Variants in LUC7L observed in about 807,000 individuals in gnomAD.
LUC7L encodes the protein LUC7 like, also known as putative RNA-binding protein Luc7-like 1.
In LUC7L, 29 loss-of-function variants were observed where a neutral mutation model predicts 51.1. The observed-to-expected ratio is 0.57, with a 90% confidence interval of 0.42 to 0.77. LUC7L has a LOEUF of 0.77. Among genes scored for constraint, LUC7L ranks in the 30% least tolerant of loss-of-function variants. LUC7L has a pLI of 0.00. For missense variants in LUC7L, 403 were observed against 511.9 expected, an observed-to-expected ratio of 0.79 and a Z score of 2.05; for synonymous variants, 181 against 180.7, an observed-to-expected ratio of 1.00 and a Z score of -0.01.
chr16:193,820 T>TC, intron 6 of LUC7L, among the ~76,000 whole-genome samples: 1 of 151,026 alleles, frequency 6.6e-6, no homozygotes, highest in African/African-American at 2.5e-5. Context: ...TTTTTTTTTT[T>TC]TGAGACGGAG....
chr16:201,682 A>T (rs992192828), intron 5 of LUC7L, among the ~76,000 whole-genome samples: 20 of 130,592 alleles, frequency 1.5e-4, no homozygotes, highest in African/African-American at 5.3e-4. Context: ...CTCGTGATCC[A>T]CCCGCCTCAG....
At chr16:199,318 T>C in intron 5 of LUC7L, 80 bp from the exon 6 acceptor site, 6 of 917,464 alleles carry the variant, frequency 6.5e-6, no homozygotes, top group Non-Finnish European at 1.0e-5. Flanking sequence ...TGAAAATATT[T>C]GATAAGATGA....
chr16:199,324 G>C (rs2049252729), intron 5 of LUC7L, 86 bp from the exon 6 acceptor site: 2 of 828,516 alleles, frequency 2.4e-6, no homozygotes, highest in Non-Finnish European at 3.8e-6. Context: ...TATTTGATAA[G>C]ATGACAGAGG....
intron 3 of LUC7L, among the ~76,000 whole-genome samples, chr16:210,209 C>A (rs1041256475): frequency 6.6e-6 from 1 of 152,116 alleles, no homozygotes; most frequent in Non-Finnish European, 1.5e-5. Context: ...ACTGCTTGAA[C>A]CTGGGAAGCA....
intron 3 of LUC7L, among the ~76,000 whole-genome samples, chr16:213,465 T>C (rs1436296236): frequency 2.0e-5 from 3 of 152,100 alleles, no homozygotes; most frequent in Non-Finnish European, 4.4e-5. Flanking sequence ...AGAGGCAACA[T>C]CTGAGCTCAC....
intron 3 of LUC7L, among the ~76,000 whole-genome samples, chr16:217,602 G>T (rs531357948): frequency 6.6e-6 from 1 of 151,932 alleles, no homozygotes; most frequent in South Asian, 2.1e-4. Flanking sequence ...AGCTACTCAG[G>T]AGGCTGAGGC....
intron 2 of LUC7L, among the ~76,000 whole-genome samples, chr16:226,142 CA>C (rs1460736575): frequency 1.3e-5 from 2 of 152,188 alleles, no homozygotes; most frequent in Non-Finnish European, 2.9e-5. Context: ...AACAGAGGCA[CA>C]AGGTTTGGCA....
intron 3 of LUC7L, among the ~76,000 whole-genome samples, chr16:214,726 G>A (rs1426458974): frequency 6.6e-6 from 1 of 152,118 alleles, no homozygotes; most frequent in African/African-American, 2.4e-5. Flanking sequence ...GACAGGGTTT[G>A]TCATCTTGCC....
At chr16:194,985 C>G (rs2049110973) in intron 6 of LUC7L, among the ~76,000 whole-genome samples, 1 of 152,096 alleles carries the variant, frequency 6.6e-6, no homozygotes, top group Non-Finnish European at 1.5e-5. Flanking sequence ...TCTTCCATAC[C>G]CAGTGTGGAT....
Position 190,049 on chromosome 16 carries a change from CTA to C in LUC7L, c.891_892del (p.Asp297GlufsTer55), listed in dbSNP as rs1355519868. 1 of 1,613,798 alleles carries C rather than the reference CTA, an allele frequency of 6.2e-7. No homozygotes were observed. Among genetic ancestry groups the C allele is most frequent in the African/African-American group, 1.3e-5 (1 of 74,900 alleles). Reference sequence around the variant, plus strand: ...GGAACGGCTGCGGTGGCGCCGATGTCTATCTCGGGACCGGGACCGGGACAATT... The same window carrying C: ...GGAACGGCTGCGGTGGCGCCGATGTCTCTCGGGACCGGGACCGGGACAATT... On this transcript the variant is annotated frameshift_variant, in exon 9 of 10. Coordinates refer to ENST00000293872, the MANE Select transcript of LUC7L (RefSeq NM_201412.3). LOFTEE classifies it high-confidence loss of function.
intron 5 of LUC7L, among the ~76,000 whole-genome samples, chr16:199,945 G>A (rs544392930): frequency 4.0e-5 from 6 of 149,792 alleles, no homozygotes; most frequent in East Asian, 2.0e-4. Flanking sequence ...AGCCAAAACC[G>A]TGCCACTGCA....
chr16:194,913 G>A (rs2049108473), intron 6 of LUC7L, among the ~76,000 whole-genome samples: 1 of 152,190 alleles, frequency 6.6e-6, no homozygotes, highest in Non-Finnish European at 1.5e-5. Context: ...GCAAGTCAGA[G>A]CCAGTAAGAC....
chr16:214,391 T>C (rs1171671920), intron 3 of LUC7L, among the ~76,000 whole-genome samples: 4 of 152,178 alleles, frequency 2.6e-5, no homozygotes, highest in Admixed American at 2.6e-4. Flanking sequence ...ATTAGACAGG[T>C]TTCACAAACA....
chr16:218,223 A>C (rs1199499929), intron 3 of LUC7L, among the ~76,000 whole-genome samples: 1 of 151,880 alleles, frequency 6.6e-6, no homozygotes, highest in Non-Finnish European at 1.5e-5. Context: ...TTTACTGTAA[A>C]ACGTATTGAC....
chr16:195,805 G>C (rs2049133439), intron 6 of LUC7L, among the ~76,000 whole-genome samples: 1 of 152,158 alleles, frequency 6.6e-6, no homozygotes, highest in African/African-American at 2.4e-5. Context: ...GGGAGGCCTA[G>C]GAAGGTGGAT....
intron 3 of LUC7L, among the ~76,000 whole-genome samples, chr16:212,300 C>A (rs13339109): frequency 0.017 from 2,518 of 152,034 alleles, 79 homozygotes; most frequent in African/African-American, 0.057. Flanking sequence ...TCTCAAAAAA[C>A]ACAGCCGCAG....
intron 6 of LUC7L, among the ~76,000 whole-genome samples, chr16:194,911 G>C (rs2049108412): frequency 6.6e-6 from 1 of 152,180 alleles, no homozygotes; most frequent in Non-Finnish European, 1.5e-5. Flanking sequence ...GAGCAAGTCA[G>C]AGCCAGTAAG....
chr16:208,252 T>C, intron 3 of LUC7L, 64 bp from the exon 4 acceptor site: 1 of 1,231,376 alleles, frequency 8.1e-7, no homozygotes, highest in Non-Finnish European at 1.2e-6. Flanking sequence ...TTAGAACCCA[T>C]TTGCTTGATA....
At chr16:224,129 G>A (rs2050055964) in intron 2 of LUC7L, among the ~76,000 whole-genome samples, 1 of 152,128 alleles carries the variant, frequency 6.6e-6, no homozygotes, top group African/African-American at 2.4e-5. Flanking sequence ...TACTACCAAA[G>A]GAAGCAGACC....
Sources: allele counts gnomAD v4.1 joint callset (sites outside exome capture counted in the v4.1 genomes callset), GRCh38; gene constraint gnomAD v4.1.1; transcripts MANE v1.5; gene names NCBI Gene and HGNC (gene_info 2026-07-23, HGNC 2026-07-21).